RAB11FIP4: variants seen among roughly 807,000 people sequenced by gnomAD.
RAB11FIP4 encodes the protein rab11 family-interacting protein 4.
In RAB11FIP4, 23 loss-of-function variants were observed where a neutral mutation model predicts 74.3. The ratio of observed to expected loss-of-function variants is 0.31; its 90% CI spans 0.22 to 0.44. RAB11FIP4 has a LOEUF of 0.44. Among genes scored for constraint, RAB11FIP4 ranks in the 20% least tolerant of loss-of-function variants. The pLI, the probability that RAB11FIP4 is intolerant of heterozygous loss-of-function variation, is 1.00. For synonymous variants in RAB11FIP4, 360 were observed against 359.9 expected (o/e 1.00, Z 0.00); for missense variants, 630 against 863.9 (o/e 0.73, Z 3.39).
intron 3 of RAB11FIP4, among the ~76,000 whole-genome samples, chr17:31,468,781 G>A (rs2071710662): frequency 6.6e-6 from 1 of 151,676 alleles, no homozygotes; most frequent in African/African-American, 2.4e-5. Flanking sequence ...AGTGAGCCAA[G>A]ATCGCACCAC....
At chr17:31,395,019 T>C (rs2070915916) in intron 1 of RAB11FIP4, among the ~76,000 whole-genome samples, 2 of 151,896 alleles carry the variant, frequency 1.3e-5, no homozygotes, top group African/African-American at 4.8e-5. Flanking sequence ...GCAGTGACAT[T>C]GATTTCCCAG....
At chr17:31,525,608 C>T in intron 10 of RAB11FIP4, 1 of 223,364 alleles carries the variant, frequency 4.5e-6, no homozygotes, top group East Asian at 1.2e-4. Flanking sequence ...AACCCGGCTC[C>T]TGTGCCTTGC....
intron 3 of RAB11FIP4, among the ~76,000 whole-genome samples, chr17:31,463,214 G>A (rs1357059585): frequency 6.6e-6 from 1 of 152,218 alleles, no homozygotes; most frequent in African/African-American, 2.4e-5. Context: ...ACTCCAGGCA[G>A]GCCTGGGTTT....
chr17:31,477,628 G>A (rs907051782), intron 3 of RAB11FIP4, among the ~76,000 whole-genome samples: 7 of 152,232 alleles, frequency 4.6e-5, no homozygotes, highest in African/African-American at 7.2e-5. Context: ...TCTGGCCTGC[G>A]GTTTCTGCTC....
chr17:31,501,191 CTTTT>C (rs200653351), intron 3 of RAB11FIP4, among the ~76,000 whole-genome samples: 1 of 145,538 alleles, frequency 6.9e-6, no homozygotes. Context: ...GAGAATACAA[CTTTT>C]TTTTTTTTTT....
chr17:31,402,757 G>A (rs951786406), intron 1 of RAB11FIP4, among the ~76,000 whole-genome samples: 3 of 151,762 alleles, frequency 2.0e-5, no homozygotes, highest in Non-Finnish European at 4.4e-5. Flanking sequence ...AAGTAGCTGG[G>A]ACTACAGGCG....
At chr17:31,485,499 C>G (rs2071892141) in intron 3 of RAB11FIP4, among the ~76,000 whole-genome samples, 2 of 152,162 alleles carry the variant, frequency 1.3e-5, no homozygotes. Flanking sequence ...GCTTTTCTTT[C>G]TTGGTTCTGG....
chr17:31,437,682 T>G (rs2071372505), intron 3 of RAB11FIP4, among the ~76,000 whole-genome samples: 1 of 152,192 alleles, frequency 6.6e-6, no homozygotes, highest in African/African-American at 2.4e-5. Context: ...GACCTCTGAC[T>G]TAACCACTGG....
At chr17:31,449,758 T>C (rs1049399765) in intron 3 of RAB11FIP4, among the ~76,000 whole-genome samples, 3 of 152,124 alleles carry the variant, frequency 2.0e-5, no homozygotes, top group Admixed American at 1.3e-4. Flanking sequence ...CAGGCTGGAG[T>C]GCAGTAGTGC....
chr17:31,508,859 G>T (rs117044050), intron 3 of RAB11FIP4, among the ~76,000 whole-genome samples: 38 of 152,300 alleles, frequency 2.5e-4, no homozygotes, highest in Non-Finnish European at 4.1e-4. Context: ...TGCCTTATCA[G>T]CAGTGTGTGT....
At chr17:31,430,182 G>C (rs1048113331) in intron 1 of RAB11FIP4, among the ~76,000 whole-genome samples, 1 of 152,114 alleles carries the variant, frequency 6.6e-6, no homozygotes, top group Non-Finnish European at 1.5e-5. Context: ...AAGTTGTAGG[G>C]AATAGCATGT....
intron 1 of RAB11FIP4, 72 bp from the exon 2 acceptor site, chr17:31,431,741 T>C: frequency 3.3e-5 from 18 of 537,902 alleles, no homozygotes; most frequent in Non-Finnish European, 5.9e-5. Context: ...CCTCCCAGCC[T>C]CCCCACCCAG....
chr17:31,393,238 C>T (rs2070893745), intron 1 of RAB11FIP4, among the ~76,000 whole-genome samples: 1 of 152,250 alleles, frequency 6.6e-6, no homozygotes, highest in Admixed American at 6.5e-5. Flanking sequence ...AGACTGCCCT[C>T]TGCGGGGCTT....
chr17:31,445,471 A>G (rs1031344634), intron 3 of RAB11FIP4, among the ~76,000 whole-genome samples: 5 of 147,486 alleles, frequency 3.4e-5, no homozygotes, highest in Non-Finnish European at 5.9e-5. Context: ...GACTTGCAGG[A>G]AACTTAACAT....
At position 31,535,442 on chromosome 17, in the gene RAB11FIP4, A is replaced by G. The variant is rs1463587174; in HGVS notation, c.*3710A>G. On this transcript the variant is annotated 3_prime_UTR_variant, in exon 15 of 15. Coordinates refer to ENST00000621161, the MANE Select transcript of RAB11FIP4 (RefSeq NM_032932.6). ...GGTCCAGGCATCGAGATGTGTAAAG[A>G]CCTCCCCAGGTGATGATATGCAGTC... 1 of 151,372 alleles carries G rather than the reference A, an allele frequency of 6.6e-6. No individual in the cohort carries two copies. Among genetic ancestry groups the G allele is most frequent in the Non-Finnish European group, 1.5e-5 (1 of 67,906 alleles). The allele number at this position is 151,372 out of a possible 1,614,324, so 9.4% of individuals were successfully genotyped here.
chr17:31,488,493 A>G, intron 3 of RAB11FIP4: 1 of 385,966 alleles, frequency 2.6e-6, no homozygotes, highest in Non-Finnish European at 3.7e-6. Flanking sequence ...GTGGACTAGG[A>G]AGGGGGCTCG....
At chr17:31,400,914 C>T (rs777713545) in intron 1 of RAB11FIP4, among the ~76,000 whole-genome samples, 4 of 152,174 alleles carry the variant, frequency 2.6e-5, no homozygotes, top group African/African-American at 7.2e-5. Flanking sequence ...GGGGTCTCAT[C>T]TCATTGCCCA....
chr17:31,431,942 C>T (rs747686270), intron 2 of RAB11FIP4, 42 bp downstream of exon 2: 1 of 1,440,800 alleles, frequency 6.9e-7, no homozygotes, highest in Non-Finnish European at 9.7e-7. Flanking sequence ...CTCTCCGGTC[C>T]TGCCCAGCTG....
chr17:31,429,000 G>A (rs1028972519), intron 1 of RAB11FIP4, among the ~76,000 whole-genome samples: 8 of 151,976 alleles, frequency 5.3e-5, no homozygotes, highest in Admixed American at 5.2e-4. Context: ...TATTTGAGAC[G>A]GAGTTTCACT....
Sources: allele counts gnomAD v4.1 joint callset (sites outside exome capture counted in the v4.1 genomes callset), GRCh38; gene constraint gnomAD v4.1.1; transcripts MANE v1.5; gene names NCBI Gene and HGNC (gene_info 2026-07-23, HGNC 2026-07-21).